The following AK3 variants were observed in gnomAD, a reference collection of about 807,000 sequenced individuals.
AK3 encodes GTP:AMP phosphotransferase AK3, mitochondrial.
In AK3, 27 loss-of-function variants were observed where a neutral mutation model predicts 23.7. The observed-to-expected ratio is 1.14, with a 90% CI of 0.84 to 1.57. The LOEUF is 1.57. Ranked by LOEUF, AK3 falls within the 40% of genes most tolerant of loss-of-function variation. The probability of loss-of-function intolerance (pLI) is 0.00; values close to 1 mark genes in which losing one functional copy is unlikely to be tolerated. For missense variants in AK3, 406 were observed against 285.6 expected, an observed-to-expected ratio of 1.42 and a Z score of -3.04; for synonymous variants, 159 against 116.0, an observed-to-expected ratio of 1.37 and a Z score of -2.38.
chr9:4,740,793 A>G lies in AK3; in HGVS notation c.151+144T>C. Reference sequence around the variant, plus strand: ...CGGAGGTTTTGGGGCGCAGTCGCTCAGCAGCCCGAGGTCTCTGTCCCGGGC... The same window carrying G: ...CGGAGGTTTTGGGGCGCAGTCGCTCGGCAGCCCGAGGTCTCTGTCCCGGGC... On this transcript the variant is annotated intron_variant, in intron 1 of 4. Transcript: ENST00000381809. 4 of 1,100,796 alleles carry G rather than the reference A, an allele frequency of 3.6e-6. No homozygotes were observed. In the South Asian group the frequency reaches 8.7e-5, roughly 24 times the overall value. 68.2% of individuals were successfully genotyped at this position (1,100,796 alleles called of 1,614,324 possible).
Position 4,736,287 on chromosome 9 carries a change from T to C in AK3, c.151+4650A>G, listed in dbSNP as rs1036482358. Among the ~76,000 whole-genome samples the C allele has an allele frequency of 7.2e-5, 11 of 152,178 alleles. 1 individual carries two copies. The South Asian group carries it at 1.7e-3, about 23-fold the overall frequency. ...GGGGCACTCCATATGCAAAGCAGTA[T>C]TGTTAAAGGTATAAAACAGTATATA... On this transcript the variant is annotated intron_variant, in intron 1 of 4. Coordinates refer to ENST00000381809, the MANE Select transcript of AK3 (RefSeq NM_016282.4).
At chr9:4,737,400 C>T (rs749654300) in intron 1 of AK3, among the ~76,000 whole-genome samples, 3 of 152,038 alleles carry the variant, frequency 2.0e-5, no homozygotes, top group Non-Finnish European at 4.4e-5. Flanking sequence ...TCACCCTAAT[C>T]CCCCAATAAA....
At position 4,710,511 on chromosome 9, in the gene AK3, G is replaced by T. The variant is rs1038926586; in HGVS notation, c.*2465C>A. ...TGGGATTACAGGCGTGAGCCACCGCGCCCGGCCTCTCATTGGCTTTTAACA... is the reference window on the plus strand; with the variant it reads ...TGGGATTACAGGCGTGAGCCACCGCTCCCGGCCTCTCATTGGCTTTTAACA... On this transcript the variant is annotated 3_prime_UTR_variant, in exon 5 of 5. Coordinates refer to ENST00000381809, the MANE Select transcript of AK3 (RefSeq NM_016282.4). 6.6e-6 allele frequency: 1 copy of T among 152,104 alleles called. No individual in the cohort carries two copies. The highest frequency in any genetic ancestry group is 1.5e-5 in the Non-Finnish European group (1 of 68,106). 9.4% of individuals were successfully genotyped at this position (152,104 alleles called of 1,614,324 possible).
chr9:4,735,149 C>G (rs991223091), intron 1 of AK3, among the ~76,000 whole-genome samples: 1 of 148,708 alleles, frequency 6.7e-6, no homozygotes, highest in Non-Finnish European at 1.5e-5. Context: ...ATCCCAACAC[C>G]TTGAGAGGCT....
chr9:4,722,364 G>T lies in AK3; in HGVS notation c.271+142C>A, dbSNP rs113217148. 76 of 1,164,688 alleles carry T rather than the reference G, an allele frequency of 6.5e-5. No homozygotes were observed. The African/African-American group carries it at 1.0e-3, about 16-fold the overall frequency. 72.1% of individuals were successfully genotyped at this position (1,164,688 alleles called of 1,614,324 possible). Reference sequence around the variant, plus strand: ...TGGATATAGAACTGGTCCCAGAGAAGATGACTGGTTTCAGGATAGTCCCAA... The same window carrying T: ...TGGATATAGAACTGGTCCCAGAGAATATGACTGGTTTCAGGATAGTCCCAA... On this transcript the variant is annotated intron_variant, in intron 2 of 4. Coordinates refer to ENST00000381809, the MANE Select transcript of AK3 (RefSeq NM_016282.4).
intron 2 of AK3, among the ~76,000 whole-genome samples, chr9:4,720,153 G>A (rs387413): frequency 0.55 from 82,851 of 151,904 alleles, 22,797 homozygotes; most frequent in East Asian, 0.6. Context: ...TAATGCAAAA[G>A]GATAAAACCC....
chr9:4,725,922 C>A (rs1842014280), intron 1 of AK3, among the ~76,000 whole-genome samples: 1 of 151,686 alleles, frequency 6.6e-6, no homozygotes, highest in Non-Finnish European at 1.5e-5. Flanking sequence ...CAGGCCTACC[C>A]TGGAGATATT....
rs372383858 is a variant in AK3, at chr9:4,713,068, C to T, written c.592G>A (p.Gly198Arg). The change falls in exon 5 of 5, where the codon GGA (glycine) becomes AGA (arginine). Residue 198 changes from glycine (G) to arginine (R), a missense_variant. Gly to Arg is a moderately radical substitution (Grantham distance 125, BLOSUM62 -2). Coordinates refer to ENST00000381809, the MANE Select transcript of AK3 (RefSeq NM_016282.4). ...QKKGVLETFS[G>R]TETNKIWPYV... ...GGCCAAATCTTGTTGGTTTCTGTTC[C>T]GGAGAATGTTTCCAGCACCCCTTTT... The T allele has an allele frequency of 9.9e-6, 16 of 1,613,476 alleles. No individual in the cohort carries two copies. Among genetic ancestry groups the T allele is most frequent in the Middle Eastern group, 1.7e-4 (1 of 6,058 alleles).
upstream of AK3, chr9:4,741,384 CGCCCA>C (rs1222608594): frequency 6.6e-6 from 2 of 302,162 alleles, no homozygotes; most frequent in African/African-American, 4.4e-5. Context: ...CTCGCTCGGC[CGCCCA>C]GCTCCCACCT....
chr9:4,739,658 G>A (rs1217389419), intron 1 of AK3, among the ~76,000 whole-genome samples: 2 of 152,002 alleles, frequency 1.3e-5, no homozygotes, highest in Non-Finnish European at 2.9e-5. Context: ...TTGGCCGGGC[G>A]CGGTGGCTCA....
intron 1 of AK3, among the ~76,000 whole-genome samples, chr9:4,729,686 G>A (rs749420770): frequency 6.6e-6 from 1 of 151,940 alleles, no homozygotes; most frequent in African/African-American, 2.4e-5. Context: ...AAAAATACGG[G>A]CATGGTGGTG....
Position 4,718,471 on chromosome 9 carries a change from T to A in AK3, c.511A>T (p.Lys171Ter). 2.5e-6 allele frequency: 4 copies of A among 1,613,634 alleles called. No individual in the cohort carries two copies. Among genetic ancestry groups the A allele is most frequent in the Non-Finnish European group, 3.4e-6 (4 of 1,179,838 alleles). ...REDDKPETVI[K>*]RLKAYEDQTK... ...TGGTCTTCATAAGCCTTTAGTCTCTTGATAACCGTCTCTGGTTTATCATCC... is the reference window on the plus strand; with the variant it reads ...TGGTCTTCATAAGCCTTTAGTCTCTAGATAACCGTCTCTGGTTTATCATCC... The change falls in exon 4 of 5, where the codon AAG becomes TAG. Residue 171 changes from lysine (K) to a stop codon, truncating the protein, a stop_gained. Coordinates refer to ENST00000381809, the MANE Select transcript of AK3 (RefSeq NM_016282.4). LOFTEE classifies it high-confidence loss of function.
Position 4,712,292 on chromosome 9 carries a change from G to A in AK3, c.*684C>T, listed in dbSNP as rs921605603. ...CACAAATCATAACCCTCAGTACACA[G>A]GTATTTTCAAAGGAAACAAGTCATC... On this transcript the variant is annotated 3_prime_UTR_variant, in exon 5 of 5. Transcript: ENST00000381809. 23 of 152,044 alleles carry A rather than the reference G, an allele frequency of 1.5e-4. No individual in the cohort carries two copies. The highest frequency in any genetic ancestry group is 1.4e-3 in the Admixed American group (22 of 15,262). 9.4% of individuals were successfully genotyped at this position (152,044 alleles called of 1,614,324 possible). A position where few individuals can be genotyped will look rare whatever the true frequency, so the allele number is the denominator to read the frequency against.
chr9:4,730,413 C>T (rs1027941325), intron 1 of AK3, among the ~76,000 whole-genome samples: 4 of 151,784 alleles, frequency 2.6e-5, no homozygotes, highest in African/African-American at 9.7e-5. Flanking sequence ...ATAAAAAAAC[C>T]ACTCATAGTC....
chr9:4,740,971 C>T lies in AK3; in HGVS notation c.117G>A (p.Gly39=), dbSNP rs568768085. The T allele has an allele frequency of 1.9e-6, 3 of 1,584,154 alleles. No homozygotes were observed. The highest frequency in any genetic ancestry group is 1.7e-6 in the Non-Finnish European group (2 of 1,167,500). Residue 39 remains glycine, a synonymous_variant, in exon 1 of 5, where the codon GGG becomes GGA. Transcript: ENST00000381809. ...GCAGCATGTTGTCCCGGAGCAGGTC[C>T]CCGCTGGAGAGGTGCTTCAGCTCGA... ...THFELKHLSS[G]DLLRDNMLRG...
chr9:4,735,501 A>C (rs142882804), intron 1 of AK3, among the ~76,000 whole-genome samples: 21,025 of 80,610 alleles, frequency 0.26, 3,725 homozygotes, highest in Middle Eastern at 0.42. Flanking sequence ...TTTTGGAAAC[A>C]GAGTCTCACT....
At chr9:4,717,587 A>G (rs978110267) in intron 4 of AK3, among the ~76,000 whole-genome samples, 9 of 152,168 alleles carry the variant, frequency 5.9e-5, no homozygotes, top group African/African-American at 1.9e-4. Context: ...CAATTATTCA[A>G]TGCAGGATTT....
intron 1 of AK3, among the ~76,000 whole-genome samples, chr9:4,725,826 C>T (rs576861152): frequency 6.6e-6 from 1 of 152,136 alleles, no homozygotes; most frequent in Non-Finnish European, 1.5e-5. Context: ...TGATCAACGT[C>T]CTTAATCATT....
rs1232888244 is a variant in AK3 at position 4,711,544 on chromosome 9, T to TACTGGC, written c.*1426_*1431dup. On this transcript the variant is annotated 3_prime_UTR_variant, in exon 5 of 5. Transcript: ENST00000381809. ...CCCCCCAAAACACATAAGAACCACTTACTGGCACTTGTATTTTAAGTACCT... is the reference window on the plus strand; with the variant it reads ...CCCCCCAAAACACATAAGAACCACTTACTGGCACTGGCACTTGTATTTTAAGTACCT... 1 of 152,540 alleles carries TACTGGC rather than the reference T, an allele frequency of 6.6e-6. No individual in the cohort carries two copies. The highest frequency in any genetic ancestry group is 1.5e-5 in the Non-Finnish European group (1 of 68,024). The allele number at this position is 152,540 out of a possible 1,614,324, so 9.4% of individuals were successfully genotyped here. A position where few individuals can be genotyped will look rare whatever the true frequency, so the allele number is the denominator to read the frequency against.
Sources: allele counts gnomAD v4.1 joint callset (sites outside exome capture counted in the v4.1 genomes callset), GRCh38; gene constraint gnomAD v4.1.1; transcripts MANE v1.5; gene names NCBI Gene and HGNC (gene_info 2026-07-23, HGNC 2026-07-21).